CNTNAP2: variants seen among roughly 807,000 people sequenced by gnomAD.
CNTNAP2 encodes contactin-associated protein-like 2.
CNTNAP2 carries 98 observed loss-of-function variants against 155.2 expected under a neutral mutation model. The ratio of observed to expected loss-of-function variants is 0.63; its 90% CI spans 0.54 to 0.75. The LOEUF (loss-of-function observed/expected upper bound fraction) is 0.75, where lower values mean the gene tolerates loss of function less well. CNTNAP2 is among the 30% of genes least tolerant of loss of function. The pLI is 0.00. For missense variants in CNTNAP2, 1,727 were observed against 1,688.1 expected (o/e 1.02, Z -0.40); for synonymous variants, 651 against 631.2 (o/e 1.03, Z -0.47).
chr7:146,757,658 T>G (rs1460889199), intron 1 of CNTNAP2, among the ~76,000 whole-genome samples: 1 of 152,298 alleles, frequency 6.6e-6, no homozygotes, highest in Admixed American at 6.5e-5. Context: ...AAATTAGAAC[T>G]TAAGTTTTCT....
At chr7:146,228,957 T>A (rs1291867347) in intron 1 of CNTNAP2, among the ~76,000 whole-genome samples, 1 of 152,198 alleles carries the variant, frequency 6.6e-6, no homozygotes, top group Non-Finnish European at 1.5e-5. Flanking sequence ...TCTTATGTAA[T>A]TATCTTTCGA....
chr7:147,043,406 T>C (rs1401747433), intron 3 of CNTNAP2, among the ~76,000 whole-genome samples: 1 of 152,202 alleles, frequency 6.6e-6, no homozygotes, highest in African/African-American at 2.4e-5. Context: ...ACAAATTCTC[T>C]AAATGTGTCT....
chr7:147,871,755 C>G (rs1359139689), intron 13 of CNTNAP2, among the ~76,000 whole-genome samples: 2 of 151,392 alleles, frequency 1.3e-5, no homozygotes, highest in Non-Finnish European at 1.5e-5. Flanking sequence ...GCTATCCACT[C>G]TTCTTCACTT....
In CNTNAP2 at chr7:147,652,774, A is replaced by G. The variant is rs533865574; in HGVS notation, c.2098+13468A>G. On this transcript the variant is annotated intron_variant, in intron 13 of 23. Coordinates refer to ENST00000361727, the MANE Select transcript of CNTNAP2 (RefSeq NM_014141.6). Reference sequence around the variant, plus strand: ...AAGGAAGGGAGGGAAAGGAAGGAAGAAAGAGAATGAGGCAACCTAATAAGT... The same window carrying G: ...AAGGAAGGGAGGGAAAGGAAGGAAGGAAGAGAATGAGGCAACCTAATAAGT... Among the ~76,000 whole-genome samples, 20 of 152,266 alleles carry G rather than the reference A, an allele frequency of 1.3e-4. No individual in the cohort carries two copies. The South Asian group carries it at 4.1e-3, about 32-fold the overall frequency.
intron 2 of CNTNAP2, among the ~76,000 whole-genome samples, chr7:146,827,311 A>G (rs1314327533): frequency 6.6e-6 from 1 of 151,970 alleles, no homozygotes; most frequent in African/African-American, 2.4e-5. Flanking sequence ...TTTGCTACAA[A>G]TTCCATGATT....
chr7:146,808,087 G>A (rs1803000141), intron 2 of CNTNAP2, among the ~76,000 whole-genome samples: 1 of 152,146 alleles, frequency 6.6e-6, no homozygotes, highest in South Asian at 2.1e-4. Flanking sequence ...TTTCACTGGA[G>A]ACTGAGTTTA....
At chr7:146,435,383 G>C (rs963586389) in intron 1 of CNTNAP2, among the ~76,000 whole-genome samples, 1 of 152,154 alleles carries the variant, frequency 6.6e-6, no homozygotes, top group African/African-American at 2.4e-5. Flanking sequence ...AAAAAACTGT[G>C]CCCAATATTT....
At chr7:146,679,251 C>T (rs1018174074) in intron 1 of CNTNAP2, among the ~76,000 whole-genome samples, 1 of 151,656 alleles carries the variant, frequency 6.6e-6, no homozygotes, top group Non-Finnish European at 1.5e-5. Flanking sequence ...CAAGTGAGAA[C>T]AGAGGCAGTG....
intron 3 of CNTNAP2, among the ~76,000 whole-genome samples, chr7:147,022,786 T>A (rs1274422863): frequency 6.6e-6 from 1 of 152,104 alleles, no homozygotes; most frequent in Non-Finnish European, 1.5e-5. Flanking sequence ...GCCAAAGTAT[T>A]TTTTTCCTTC....
chr7:146,617,680 G>A (rs1316734786), intron 1 of CNTNAP2, among the ~76,000 whole-genome samples: 1 of 152,104 alleles, frequency 6.6e-6, no homozygotes, highest in Non-Finnish European at 1.5e-5. Flanking sequence ...AGAAAAAACT[G>A]AAACTGTGGG....
intron 13 of CNTNAP2, among the ~76,000 whole-genome samples, chr7:147,840,464 G>A (rs1034275152): frequency 6.6e-6 from 1 of 152,196 alleles, no homozygotes; most frequent in Non-Finnish European, 1.5e-5. Context: ...ACTGCAGCAT[G>A]TCCAGGTAGC....
chr7:147,716,782 C>A (rs1204329222), intron 13 of CNTNAP2, among the ~76,000 whole-genome samples: 1 of 152,160 alleles, frequency 6.6e-6, no homozygotes, highest in Non-Finnish European at 1.5e-5. Flanking sequence ...GACTCTGTTG[C>A]CCTCACTATC....
At chr7:146,452,166 C>A (rs1464879470) in intron 1 of CNTNAP2, among the ~76,000 whole-genome samples, 3 of 151,934 alleles carry the variant, frequency 2.0e-5, no homozygotes, top group Admixed American at 1.3e-4. Flanking sequence ...CTCGGCCTCC[C>A]AAAGTGCTAG....
chr7:146,332,528 A>T (rs1017145641), intron 1 of CNTNAP2, among the ~76,000 whole-genome samples: 1 of 152,184 alleles, frequency 6.6e-6, no homozygotes, highest in African/African-American at 2.4e-5. Flanking sequence ...TTATCTAGTC[A>T]ATCCGAAATC....
intron 9 of CNTNAP2, among the ~76,000 whole-genome samples, chr7:147,303,228 T>G (rs1228876116): frequency 6.6e-6 from 1 of 152,228 alleles, no homozygotes; most frequent in Admixed American, 6.5e-5. Flanking sequence ...GATATCTCCT[T>G]TCTAACATTT....
intron 9 of CNTNAP2, among the ~76,000 whole-genome samples, chr7:147,347,131 CAACAA>C (rs1376408256): frequency 6.6e-6 from 1 of 151,948 alleles, no homozygotes; most frequent in Non-Finnish European, 1.5e-5. Flanking sequence ...TTTTGATGAT[CAACAA>C]ATCATTGGTC....
At chr7:148,175,048 G>A (rs1163276004) in intron 18 of CNTNAP2, among the ~76,000 whole-genome samples, 1 of 152,094 alleles carries the variant, frequency 6.6e-6, no homozygotes, top group Non-Finnish European at 1.5e-5. Context: ...GAGAATGATG[G>A]CCTGTAGCTT....
chr7:146,941,250 TTTTTA>T (rs1797049905), intron 3 of CNTNAP2, among the ~76,000 whole-genome samples: 1 of 152,176 alleles, frequency 6.6e-6, no homozygotes, highest in Admixed American at 6.5e-5. Context: ...TTGCTTTTTA[TTTTTA>T]GTGTATCAAA....
At chr7:147,599,358 G>A (rs1220569353) in intron 12 of CNTNAP2, among the ~76,000 whole-genome samples, 4 of 151,478 alleles carry the variant, frequency 2.6e-5, no homozygotes, top group Non-Finnish European at 5.9e-5. Context: ...AGCCGGCATG[G>A]TGTAATCCCA....
Sources: allele counts gnomAD v4.1 joint callset (sites outside exome capture counted in the v4.1 genomes callset), GRCh38; gene constraint gnomAD v4.1.1; transcripts MANE v1.5; gene names NCBI Gene and HGNC (gene_info 2026-07-23, HGNC 2026-07-21).